COL4A6: variants seen among roughly 807,000 people sequenced by gnomAD.
COL4A6 encodes collagen type IV alpha 6 chain.
COL4A6 carries 59 observed loss-of-function variants against 126.7 expected under a neutral mutation model. That is an observed-to-expected ratio of 0.47 (90% confidence interval 0.38 to 0.58). COL4A6 has a LOEUF of 0.58. COL4A6 is among the 20% of genes least tolerant of loss of function. The pLI is 0.00. For synonymous variants in COL4A6, 547 were observed against 496.6 expected (o/e 1.10, Z -1.35); for missense variants, 1,285 against 1,337.3 (o/e 0.96, Z 0.61).
At chrX:108,282,062 T>A (rs907611660) in intron 3 of COL4A6, among the ~76,000 whole-genome samples, 1 of 111,021 alleles carries the variant, frequency 9.0e-6, no homozygotes, top group African/African-American at 3.3e-5. Flanking sequence ...AACCTAGGCA[T>A]TACCATTCAG....
Position 108,172,548 on chromosome X carries a change from G to A in COL4A6, c.3139-16C>T. The A allele has an allele frequency of 8.4e-7, 1 of 1,184,679 alleles. No individual in the cohort carries two copies. ...CTTGTGAACCCTTCGAAGCAATATG[G>A]GAATCATCATTTCTGCCCAGAGCTC... is the stretch of plus-strand genomic sequence containing the variant. On this transcript the variant is annotated splice_polypyrimidine_tract_variant and intron_variant, in intron 31 of 44. Transcript: ENST00000334504.
chrX:108,437,946 G>A lies in COL4A6; in HGVS notation c.59C>T (p.Ala20Val). 4 of 1,211,170 alleles carry A rather than the reference G, an allele frequency of 3.3e-6. No homozygotes were observed. The highest frequency in any genetic ancestry group is 4.5e-6 in the Non-Finnish European group (4 of 895,226). ...VTLCLTEELA[A>V]AGEKSYGKPC... ...GGGTCGTGAGAAGAGACTCACCGCT[G>A]CTGCCAGTTCCTCGGTCAGGCACAA... is the stretch of plus-strand genomic sequence containing the variant. The change falls in exon 2 of 45, where the codon GCA (alanine) becomes GTA (valine). Residue 20 changes from alanine to valine, a missense_variant. Transcript: ENST00000334504.
chrX:108,277,122 C>T (rs1336806251), intron 3 of COL4A6, among the ~76,000 whole-genome samples: 3 of 111,593 alleles, frequency 2.7e-5, no homozygotes, highest in Non-Finnish European at 5.7e-5. Flanking sequence ...CCAGGTTCAT[C>T]TCACTAGGGA....
At chrX:108,235,733 A>C (rs1237983628) in intron 3 of COL4A6, among the ~76,000 whole-genome samples, 1 of 111,749 alleles carries the variant, frequency 8.9e-6, no homozygotes, top group East Asian at 2.8e-4. Flanking sequence ...TAGAGTTTGT[A>C]GCAATGAAAA....
intron 2 of COL4A6, among the ~76,000 whole-genome samples, chrX:108,433,532 C>CT (rs1219550771): frequency 1.8e-3 from 184 of 104,192 alleles, no homozygotes; most frequent in Middle Eastern, 9.8e-3. Flanking sequence ...TTCTTTTTCT[C>CT]TTTTTTTTTT....
intron 2 of COL4A6, among the ~76,000 whole-genome samples, chrX:108,361,665 C>T (rs1017522497): frequency 9.0e-6 from 1 of 111,613 alleles, no homozygotes; most frequent in African/African-American, 3.3e-5. Flanking sequence ...AAGAACAACC[C>T]AGAATCTTTT....
chrX:108,157,450 A>G (rs1315104665), intron 44 of COL4A6, among the ~76,000 whole-genome samples, 190 bp from the exon 45 acceptor site: 4 of 111,277 alleles, frequency 3.6e-5, no homozygotes, highest in African/African-American at 9.8e-5. Flanking sequence ...GTCCTCCCTC[A>G]TAGCAGCTTT....
At chrX:108,396,387 A>G (rs915418304) in intron 2 of COL4A6, among the ~76,000 whole-genome samples, 1 of 111,777 alleles carries the variant, frequency 8.9e-6, no homozygotes, top group African/African-American at 3.3e-5. Context: ...AAGAAGGTGA[A>G]CGAAACCTTT....
chrX:108,346,065 C>A (rs1402387666), intron 2 of COL4A6, among the ~76,000 whole-genome samples: 5 of 111,346 alleles, frequency 4.5e-5, no homozygotes, highest in African/African-American at 1.6e-4. Context: ...ACCCCCCACA[C>A]ACCGTGGCAC....
rs1208484356 is a variant in COL4A6, at chrX:108,157,668, G to T, written c.4813-408C>A. Among the ~76,000 whole-genome samples the T allele has an allele frequency of 2.7e-5, 3 of 111,773 alleles. No homozygotes were observed. The Admixed American group carries it at 2.8e-4, about 11-fold the overall frequency. ...AAATTCAATAGGCTTCTGGACTGCGGTTCTCAGAGCCCTCTCTCAACCATG... is the reference window on the plus strand; with the variant it reads ...AAATTCAATAGGCTTCTGGACTGCGTTTCTCAGAGCCCTCTCTCAACCATG... On this transcript the variant is annotated intron_variant, in intron 44 of 44. Transcript: ENST00000334504.
chrX:108,423,676 T>C (rs996781264), intron 2 of COL4A6, among the ~76,000 whole-genome samples: 1 of 111,939 alleles, frequency 8.9e-6, no homozygotes, highest in African/African-American at 3.2e-5. Flanking sequence ...CACTGATTGC[T>C]ATTTGGGGGA....
intron 3 of COL4A6, among the ~76,000 whole-genome samples, chrX:108,244,648 T>A (rs1435440958): frequency 8.9e-6 from 1 of 111,990 alleles, no homozygotes; most frequent in African/African-American, 3.2e-5. Context: ...CATAGCATGA[T>A]GATTAGGTCA....
At chrX:108,212,087 T>C (rs2035722182) in intron 6 of COL4A6, among the ~76,000 whole-genome samples, 2 of 111,741 alleles carry the variant, frequency 1.8e-5, no homozygotes, top group African/African-American at 6.5e-5. Context: ...CTCACAGGTA[T>C]AGGTCACTGA....
chrX:108,314,183 C>T (rs1219550419), intron 2 of COL4A6, among the ~76,000 whole-genome samples: 1 of 111,390 alleles, frequency 9.0e-6, no homozygotes, highest in Non-Finnish European at 1.9e-5. Flanking sequence ...TCCCTGACTC[C>T]CTGATCATTT....
chrX:108,383,610 A>G, intron 2 of COL4A6: 6 of 532,110 alleles, frequency 1.1e-5, no homozygotes, highest in Non-Finnish European at 1.9e-5. Context: ...CAGCTGAAGG[A>G]TGCCCCAAAA....
chrX:108,203,115 G>T, intron 12 of COL4A6, 134 bp from the exon 13 acceptor site: 1 of 523,301 alleles, frequency 1.9e-6, no homozygotes, highest in Non-Finnish European at 3.3e-6. Context: ...AGAGAGTGGT[G>T]CAGATTCCCC....
At chrX:108,420,736 A>C (rs1205729028) in intron 2 of COL4A6, among the ~76,000 whole-genome samples, 1 of 112,161 alleles carries the variant, frequency 8.9e-6, no homozygotes, top group Non-Finnish European at 1.9e-5. Context: ...GCTTCTTCTC[A>C]TTCTGCTCCA....
chrX:108,320,612 T>C (rs757884896), intron 2 of COL4A6, among the ~76,000 whole-genome samples: 1 of 111,541 alleles, frequency 9.0e-6, no homozygotes, highest in Admixed American at 9.5e-5. Context: ...TGTGACTATG[T>C]CTCAGAAGAA....
intron 2 of COL4A6, among the ~76,000 whole-genome samples, chrX:108,394,238 A>C (rs769795308): frequency 8.0e-4 from 88 of 110,085 alleles, no homozygotes; most frequent in African/African-American, 2.6e-3. Flanking sequence ...GAGTGCATGG[A>C]CACAGGGAGG....
Sources: gnomAD v4.1 joint callset for allele counts (sites outside exome capture counted in the v4.1 genomes callset) on GRCh38, gnomAD v4.1.1 for gene constraint, MANE v1.5 for transcripts, NCBI Gene and HGNC (gene_info 2026-07-23, HGNC 2026-07-21) for gene names.